MGAT4A: variants seen among roughly 807,000 people sequenced by gnomAD.
MGAT4A encodes alpha-1,3-mannosyl-glycoprotein 4-beta-N-acetylglucosaminyltransferase A.
Under a neutral mutation model 74.1 loss-of-function variants are expected in MGAT4A, and 33 were observed. The observed-to-expected ratio is 0.45, with a 90% CI of 0.34 to 0.60. MGAT4A has a LOEUF of 0.60. Among genes scored for constraint, MGAT4A ranks in the 20% least tolerant of loss-of-function variants. MGAT4A has a pLI of 0.02. For missense variants in MGAT4A, 479 were observed against 628.3 expected, an observed-to-expected ratio of 0.76 and a Z score of 2.54; for synonymous variants, 198 against 210.4, an observed-to-expected ratio of 0.94 and a Z score of 0.51.
At chr2:98,675,906 T>C (rs924446767) in intron 3 of MGAT4A, among the ~76,000 whole-genome samples, 25 of 152,164 alleles carry the variant, frequency 1.6e-4, no homozygotes, top group Admixed American at 1.6e-3. Context: ...GGAAGGAATT[T>C]TTTTTCTGAA....
chr2:98,698,375 T>C (rs984420063), intron 2 of MGAT4A, among the ~76,000 whole-genome samples: 1 of 152,116 alleles, frequency 6.6e-6, no homozygotes, highest in African/African-American at 2.4e-5. Flanking sequence ...TGAGATTGCA[T>C]CACTGCACTG....
chr2:98,652,301 ATG>A (rs1414924506), intron 8 of MGAT4A, among the ~76,000 whole-genome samples: 1 of 151,024 alleles, frequency 6.6e-6, no homozygotes, highest in East Asian at 1.9e-4. Flanking sequence ...GACAGACCAC[ATG>A]TTAGGCCCCA....
At chr2:98,659,602 C>T (rs1430564838) in intron 5 of MGAT4A, among the ~76,000 whole-genome samples, 1 of 152,138 alleles carries the variant, frequency 6.6e-6, no homozygotes, top group Admixed American at 6.6e-5. Flanking sequence ...GGGGCAGTTT[C>T]CCCCATACTG....
chr2:98,700,983 G>C (rs553946963), intron 2 of MGAT4A, among the ~76,000 whole-genome samples: 1 of 151,676 alleles, frequency 6.6e-6, no homozygotes, highest in East Asian at 1.9e-4. Flanking sequence ...AGTGAAAAGA[G>C]TGACATTTGC....
chr2:98,625,484 A>C lies in MGAT4A; in HGVS notation c.*82T>G, dbSNP rs1701130466. The C allele has an allele frequency of 6.3e-7, 1 of 1,578,690 alleles. No homozygotes were observed. The highest frequency in any genetic ancestry group is 1.4e-5 in the African/African-American group (1 of 72,788). ...TAGACTTCACAAGAGGTAGTGTTCA[A>C]GTAGAAATAAAAAAAAGATACATGC... On this transcript the variant is annotated 3_prime_UTR_variant, in exon 16 of 16. Transcript: ENST00000393487.
intron 8 of MGAT4A, among the ~76,000 whole-genome samples, chr2:98,646,552 A>T (rs1014124611): frequency 6.6e-6 from 1 of 152,234 alleles, no homozygotes. Flanking sequence ...ACAAAAAATT[A>T]AAAAATTAGC....
At chr2:98,673,468 C>A (rs945902726) in intron 4 of MGAT4A, among the ~76,000 whole-genome samples, 1 of 152,114 alleles carries the variant, frequency 6.6e-6, no homozygotes. Flanking sequence ...AAGAGCTTTT[C>A]CTAATGATTT....
chr2:98,666,253 G>A (rs1284760242), intron 4 of MGAT4A, among the ~76,000 whole-genome samples: 1 of 152,156 alleles, frequency 6.6e-6, no homozygotes, highest in Non-Finnish European at 1.5e-5. Flanking sequence ...GGTGACTTGA[G>A]TAACTGGACG....
chr2:98,722,557 C>T (rs1047246547), intron 2 of MGAT4A, among the ~76,000 whole-genome samples: 1 of 151,970 alleles, frequency 6.6e-6, no homozygotes, highest in African/African-American at 2.4e-5. Flanking sequence ...GGGATTAGGA[C>T]AGTAATAGCT....
At chr2:98,678,267 T>TAC (rs767584824) in intron 3 of MGAT4A, 37 bp downstream of exon 3, 1 of 538,010 alleles carries the variant, frequency 1.9e-6, no homozygotes, top group African/African-American at 2.1e-5. Flanking sequence ...TATATATATA[T>TAC]AAAATCTTTT....
chr2:98,670,789 A>G (rs1559164967), intron 4 of MGAT4A, among the ~76,000 whole-genome samples: 3 of 152,050 alleles, frequency 2.0e-5, no homozygotes. Context: ...AAAACCTTCA[A>G]GTCTCAGTCC....
Position 98,715,299 on chromosome 2 carries a change from C to CAA in MGAT4A, c.94+10939_94+10940insTT, listed in dbSNP as rs543426597. ...TGCCACTGCGTTCCAGCCTGGGTGA[C>CAA]AGAGCTAGACTTCATCTCAAAAAAA... On this transcript the variant is annotated intron_variant, in intron 2 of 15. Transcript: ENST00000393487. 1.7e-4 allele frequency among the ~76,000 whole-genome samples: 19 copies of CAA among 113,566 alleles called. No homozygotes were observed. In the East Asian group the frequency reaches 3.5e-3, roughly 21 times the overall value. The allele number at this position is 113,566 out of a possible 152,430, so 74.5% of individuals were successfully genotyped here. A position where few individuals can be genotyped will look rare whatever the true frequency, so the allele number is the denominator to read the frequency against.
rs1415303045 is a variant in MGAT4A at position 98,703,018 on chromosome 2, G to A, written c.94+23221C>T. On this transcript the variant is annotated intron_variant, in intron 2 of 15. Coordinates refer to ENST00000393487, the MANE Select transcript of MGAT4A (RefSeq NM_012214.3). ...GAAAAAGAAACCAGGACTCATACTC[G>A]GGGGAAAAATAAAATTCTGGCAGTC... Among the ~76,000 whole-genome samples, 6 of 152,114 alleles carry A rather than the reference G, an allele frequency of 3.9e-5. No homozygotes were observed. In the East Asian group the frequency reaches 5.8e-4, roughly 15 times the overall value.
chr2:98,624,008 A>T lies in MGAT4A; in HGVS notation c.*1558T>A, dbSNP rs1180770922. Reference sequence around the variant, plus strand: ...GCAGACTGGCTGGGAACTGATGTTGATACTTCATCTTTTTTTTTTTTTGAG... The same window carrying T: ...GCAGACTGGCTGGGAACTGATGTTGTTACTTCATCTTTTTTTTTTTTTGAG... On this transcript the variant is annotated 3_prime_UTR_variant, in exon 16 of 16. Coordinates refer to ENST00000393487, the MANE Select transcript of MGAT4A (RefSeq NM_012214.3). 1 of 984,906 alleles carries T rather than the reference A, an allele frequency of 1.0e-6. No individual in the cohort carries two copies. The highest frequency in any genetic ancestry group is 1.2e-6 in the Non-Finnish European group (1 of 829,910). 61.0% of individuals were successfully genotyped at this position (984,906 alleles called of 1,614,324 possible).
At chr2:98,709,907 C>T (rs535131875) in intron 2 of MGAT4A, among the ~76,000 whole-genome samples, 2 of 152,328 alleles carry the variant, frequency 1.3e-5, no homozygotes, top group East Asian at 3.9e-4. Context: ...TACCCAGTTT[C>T]CCTATAAAAC....
At chr2:98,703,034 T>G (rs961321945) in intron 2 of MGAT4A, among the ~76,000 whole-genome samples, 1 of 152,210 alleles carries the variant, frequency 6.6e-6, no homozygotes, top group African/African-American at 2.4e-5. Flanking sequence ...AAAATAAAAT[T>G]CTGGCAGTCA....
At chr2:98,659,063 T>C (rs1324204097) in intron 5 of MGAT4A, among the ~76,000 whole-genome samples, 1 of 152,160 alleles carries the variant, frequency 6.6e-6, no homozygotes, top group Non-Finnish European at 1.5e-5. Flanking sequence ...TAACCCAGCA[T>C]GGAGGGTAGA....
intron 2 of MGAT4A, among the ~76,000 whole-genome samples, chr2:98,713,937 T>C (rs1311613118): frequency 6.6e-6 from 1 of 152,248 alleles, no homozygotes; most frequent in African/African-American, 2.4e-5. Context: ...AAATAGCATC[T>C]GTATATTACA....
At chr2:98,674,180 A>C (rs1276213272) in intron 4 of MGAT4A, among the ~76,000 whole-genome samples, 2 of 152,256 alleles carry the variant, frequency 1.3e-5, no homozygotes, top group African/African-American at 4.8e-5. Flanking sequence ...AAAATACTTA[A>C]GAATCCCATT....
Sources: gnomAD v4.1 joint callset for allele counts (sites outside exome capture counted in the v4.1 genomes callset) on GRCh38, gnomAD v4.1.1 for gene constraint, MANE v1.5 for transcripts, NCBI Gene and HGNC (gene_info 2026-07-23, HGNC 2026-07-21) for gene names.